Variants in VEZT observed in about 807,000 individuals in gnomAD.
The protein encoded by VEZT is vezatin, adherens junctions transmembrane protein.
Under a neutral mutation model 79.9 loss-of-function variants are expected in VEZT, and 39 were observed. The ratio of observed to expected loss-of-function variants is 0.49; its 90% CI spans 0.38 to 0.64. The LOEUF (loss-of-function observed/expected upper bound fraction) is 0.64. Among genes scored for constraint, VEZT ranks in the 30% least tolerant of loss-of-function variants. The probability of loss-of-function intolerance (pLI) is 0.00; values close to 1 mark genes in which losing one functional copy is unlikely to be tolerated. For synonymous variants in VEZT, 325 were observed against 327.6 expected (o/e 0.99, Z 0.09); for missense variants, 837 against 893.1 (o/e 0.94, Z 0.80).
rs1048114317 is a variant in VEZT at position 95,302,714 on chromosome 12, A to T, written c.*2041A>T. On this transcript the variant is annotated 3_prime_UTR_variant, in exon 12 of 12. Coordinates refer to ENST00000436874, the MANE Select transcript of VEZT (RefSeq NM_017599.4). ...TTTTAAAATGCAAATTTTAGACCATACTCCCAGTGATTCTTAGTTGGTCTT... is the reference window on the plus strand; with the variant it reads ...TTTTAAAATGCAAATTTTAGACCATTCTCCCAGTGATTCTTAGTTGGTCTT... The T allele has an allele frequency of 6.6e-6, 1 of 151,866 alleles. No homozygotes were observed. Among genetic ancestry groups the T allele is most frequent in the Non-Finnish European group, 1.5e-5 (1 of 67,978 alleles). 9.4% of individuals were successfully genotyped at this position (151,866 alleles called of 1,614,324 possible).
intron 8 of VEZT, among the ~76,000 whole-genome samples, chr12:95,284,344 C>G (rs1485973877): frequency 6.6e-6 from 1 of 152,082 alleles, no homozygotes; most frequent in African/African-American, 2.4e-5. Context: ...ACTCCTCTCC[C>G]CCTTGTGTTC....
chr12:95,257,042 T>A, intron 2 of VEZT, 108 bp from the exon 3 acceptor site: 1 of 902,710 alleles, frequency 1.1e-6, no homozygotes, highest in Admixed American at 3.1e-5. Context: ...ATTTTTTTCT[T>A]CCTTTTCTGA....
intron 1 of VEZT, among the ~76,000 whole-genome samples, chr12:95,240,705 T>C (rs558065889): frequency 6.6e-6 from 1 of 152,320 alleles, no homozygotes; most frequent in African/African-American, 2.4e-5. Flanking sequence ...AGCCTGTTTT[T>C]GCAACAGGCT....
intron 7 of VEZT, among the ~76,000 whole-genome samples, chr12:95,279,883 C>A (rs574250286): frequency 6.6e-6 from 1 of 152,276 alleles, no homozygotes; most frequent in South Asian, 2.1e-4. Context: ...CTGCGCCTGG[C>A]CTTTAGTCTT....
chr12:95,254,415 T>G (rs556405037), intron 2 of VEZT, among the ~76,000 whole-genome samples: 59 of 148,362 alleles, frequency 4.0e-4, no homozygotes, highest in African/African-American at 1.5e-3. Flanking sequence ...GACGCAATAT[T>G]GGTTCACTGC....
Position 95,287,875 on chromosome 12 carries a change from C to A in VEZT, c.1522+18C>A, listed in dbSNP as rs765402658. 8 of 1,567,942 alleles carry A rather than the reference C, an allele frequency of 5.1e-6. No individual in the cohort carries two copies. The highest frequency in any genetic ancestry group is 3.5e-5 in the South Asian group (3 of 84,840). ...TAAAAAAGGTACCTGTGAGAGATTT[C>A]TTTGCCATATGCTTATCAGACATGC... On this transcript the variant is annotated intron_variant, in intron 9 of 11. Transcript: ENST00000436874.
At chr12:95,236,388 G>T (rs376900339) in intron 1 of VEZT, among the ~76,000 whole-genome samples, 7 of 152,250 alleles carry the variant, frequency 4.6e-5, no homozygotes, top group Admixed American at 3.3e-4. Context: ...GTCCAGCTTC[G>T]GCTCGGCATC....
At chr12:95,230,855 G>A (rs1010509262) in intron 1 of VEZT, among the ~76,000 whole-genome samples, 4 of 152,074 alleles carry the variant, frequency 2.6e-5, no homozygotes, top group Non-Finnish European at 4.4e-5. Flanking sequence ...CAGAACCAAG[G>A]GGATATCAAT....
chr12:95,282,294 T>C lies in VEZT; in HGVS notation c.997-19T>C. ...CCAATATTTTTATTGATCTAGTTCT[T>C]TTTTCTTTTTTCTTTAAGGTTTTGT... On this transcript the variant is annotated intron_variant, in intron 7 of 11. Coordinates refer to ENST00000436874, the MANE Select transcript of VEZT (RefSeq NM_017599.4). 6.4e-7 allele frequency: 1 copy of C among 1,561,666 alleles called. No homozygotes were observed. Among genetic ancestry groups the C allele is most frequent in the Non-Finnish European group, 8.6e-7 (1 of 1,160,450 alleles).
chr12:95,279,558 G>A (rs2068530654), intron 7 of VEZT, among the ~76,000 whole-genome samples: 1 of 152,182 alleles, frequency 6.6e-6, no homozygotes, highest in Non-Finnish European at 1.5e-5. Flanking sequence ...ATATTTCTGA[G>A]TTCTGGTTTA....
At chr12:95,267,287 G>A (rs2065719039) in intron 5 of VEZT, among the ~76,000 whole-genome samples, 2 of 152,110 alleles carry the variant, frequency 1.3e-5, no homozygotes, top group African/African-American at 2.4e-5. Flanking sequence ...ACAACTAAAG[G>A]CATAGAATTA....
At chr12:95,243,250 C>T (rs2061281095) in intron 1 of VEZT, among the ~76,000 whole-genome samples, 1 of 151,234 alleles carries the variant, frequency 6.6e-6, no homozygotes, top group Admixed American at 6.6e-5. Context: ...TGGTGCATGC[C>T]TGTGGTCCCA....
chr12:95,252,291 T>C (rs1469850109), intron 2 of VEZT: 6 of 373,856 alleles, frequency 1.6e-5, no homozygotes, highest in Non-Finnish European at 2.8e-5. Flanking sequence ...TGGTAGAGAA[T>C]TAAAATACAT....
chr12:95,297,275 A>T (rs1029973716), intron 11 of VEZT, among the ~76,000 whole-genome samples: 2 of 152,214 alleles, frequency 1.3e-5, no homozygotes, highest in Non-Finnish European at 2.9e-5. Context: ...CTAAGTAGGT[A>T]GAGTGTGGAT....
At position 95,252,080 on chromosome 12, in the gene VEZT, G is replaced by T. The variant is rs184302617; in HGVS notation, c.168+9G>T. 2.5e-6 allele frequency: 4 copies of T among 1,598,484 alleles called. No homozygotes were observed. Among genetic ancestry groups the T allele is most frequent in the Non-Finnish European group, 2.6e-6 (3 of 1,174,898 alleles). On this transcript the variant is annotated intron_variant, in intron 2 of 11. Transcript: ENST00000436874. ...CAAGAGTCCTACCAAAAGTAAGAAC[G>T]CATGCTCATTCTTTCTGGCCGAATC...
At chr12:95,276,095 G>C (rs1480428578) in intron 7 of VEZT, among the ~76,000 whole-genome samples, 1 of 151,848 alleles carries the variant, frequency 6.6e-6, no homozygotes, top group Admixed American at 6.6e-5. Flanking sequence ...TCTTCATACA[G>C]GTGTATGAAG....
intron 1 of VEZT, among the ~76,000 whole-genome samples, chr12:95,244,556 T>C (rs896289193): frequency 6.6e-6 from 1 of 151,760 alleles, no homozygotes; most frequent in African/African-American, 2.4e-5. Flanking sequence ...ATTTGGGTGA[T>C]ACGTCACTTT....
chr12:95,295,978 G>A, intron 10 of VEZT, 73 bp from the exon 11 acceptor site: 1 of 1,088,624 alleles, frequency 9.2e-7, no homozygotes. Flanking sequence ...AGATAAGTAA[G>A]TGCAAGTAAA....
intron 1 of VEZT, among the ~76,000 whole-genome samples, chr12:95,237,655 C>G (rs2060379192): frequency 6.6e-6 from 1 of 152,178 alleles, no homozygotes; most frequent in South Asian, 2.1e-4. Context: ...TTTTTATTAT[C>G]TTGTTCATGT....
Sources: gnomAD v4.1 joint callset for allele counts (sites outside exome capture counted in the v4.1 genomes callset) on GRCh38, gnomAD v4.1.1 for gene constraint, MANE v1.5 for transcripts, NCBI Gene and HGNC (gene_info 2026-07-23, HGNC 2026-07-21) for gene names.